COL11A1: variants seen among roughly 807,000 people sequenced by gnomAD.
The protein encoded by COL11A1 is collagen type XI alpha 1 chain, also known as collagen alpha-1(XI) chain.
COL11A1 carries 74 observed loss-of-function variants against 265.2 expected under a neutral mutation model. That is an observed-to-expected ratio of 0.28 (90% confidence interval 0.23 to 0.34). The LOEUF (loss-of-function observed/expected upper bound fraction) is 0.34, where lower values mean the gene tolerates loss of function less well. Ranked by LOEUF, COL11A1 falls within the 10% of genes least tolerant of loss-of-function variation. The pLI is 1.00. For missense variants in COL11A1, 2,165 were observed against 2,263.6 expected (o/e 0.96, Z 0.88); for synonymous variants, 816 against 727.6 (o/e 1.12, Z -1.96).
chr1:102,912,947 C>A (rs1473607672), intron 53 of COL11A1, among the ~76,000 whole-genome samples: 3 of 152,194 alleles, frequency 2.0e-5, no homozygotes, highest in African/African-American at 7.2e-5. Context: ...GTCAATTAAA[C>A]CTCTTTCCAT....
At chr1:103,020,093 G>C (rs1666903213) in intron 9 of COL11A1, among the ~76,000 whole-genome samples, 1 of 151,244 alleles carries the variant, frequency 6.6e-6, no homozygotes, top group Non-Finnish European at 1.5e-5. Flanking sequence ...TAGTCCTTTG[G>C]GTATATACTC....
intron 4 of COL11A1, among the ~76,000 whole-genome samples, chr1:103,034,161 A>G (rs1486884888): frequency 6.6e-6 from 1 of 152,028 alleles, no homozygotes; most frequent in Non-Finnish European, 1.5e-5. Flanking sequence ...TTGATGTTTG[A>G]TTATGATGTA....
At chr1:103,036,673 C>A (rs1434312736) in intron 4 of COL11A1, among the ~76,000 whole-genome samples, 3 of 151,904 alleles carry the variant, frequency 2.0e-5, no homozygotes, top group African/African-American at 7.3e-5. Flanking sequence ...TTTTAAGACA[C>A]TCTGTAAACA....
chr1:102,910,991 C>T (rs1331782787), intron 54 of COL11A1, among the ~76,000 whole-genome samples: 4 of 152,084 alleles, frequency 2.6e-5, no homozygotes, highest in African/African-American at 9.7e-5. Flanking sequence ...GACAGCTATG[C>T]ATCACAGTTT....
intron 1 of COL11A1, among the ~76,000 whole-genome samples, chr1:103,096,599 A>G (rs146989889): frequency 1.9e-4 from 29 of 152,092 alleles, no homozygotes; most frequent in African/African-American, 6.3e-4. Context: ...GGATAGAAAT[A>G]AAACTTTAGG....
At chr1:102,891,901 C>G (rs1318103224) in intron 57 of COL11A1, among the ~76,000 whole-genome samples, 2 of 151,864 alleles carry the variant, frequency 1.3e-5, no homozygotes, top group Admixed American at 6.6e-5. Context: ...GTAAACAAAA[C>G]AAAACACAAA....
chr1:102,975,412 A>G (rs1662374026), intron 35 of COL11A1, among the ~76,000 whole-genome samples: 1 of 152,134 alleles, frequency 6.6e-6, no homozygotes, highest in African/African-American at 2.4e-5. Context: ...TATCTAAAAT[A>G]TATTTATTTT....
chr1:102,898,027 A>C, intron 57 of COL11A1, 98 bp downstream of exon 57: 1 of 674,018 alleles, frequency 1.5e-6, no homozygotes, highest in Admixed American at 2.7e-5. Flanking sequence ...GAAAAAATAC[A>C]AACCTATTTA....
chr1:102,925,273 A>T (rs1656468032), intron 46 of COL11A1, among the ~76,000 whole-genome samples: 1 of 152,212 alleles, frequency 6.6e-6, no homozygotes, highest in East Asian at 1.9e-4. Context: ...TTTTGCATAG[A>T]TGATAGCCTT....
chr1:102,949,471 G>T (rs958307583), intron 41 of COL11A1, among the ~76,000 whole-genome samples: 9 of 150,144 alleles, frequency 6.0e-5, no homozygotes, highest in African/African-American at 1.8e-4. Context: ...ACCCTAGGAA[G>T]ATATCACACT....
rs928552118 is a variant in COL11A1 at position 102,997,086 on chromosome 1, C to T, written c.2235G>A (p.Gly745=). Residue 745 remains glycine (G), a synonymous_variant, in exon 26 of 67, where the codon GGG becomes GGA. Coordinates refer to ENST00000370096, the MANE Select transcript of COL11A1 (RefSeq NM_001854.4). ...PGKEGQSGEK[G]ALGPPGPQGP... Reference sequence around the variant, plus strand: ...TGGATACTTTGGAACCTACCAGAGCCCCCTTTTCTCCAGACTGGCCTTCTT... The same window carrying T: ...TGGATACTTTGGAACCTACCAGAGCTCCCTTTTCTCCAGACTGGCCTTCTT... 1.9e-6 allele frequency: 3 copies of T among 1,611,716 alleles called. No individual in the cohort carries two copies. Among genetic ancestry groups the T allele is most frequent in the Middle Eastern group, 1.6e-4 (1 of 6,068 alleles).
intron 4 of COL11A1, among the ~76,000 whole-genome samples, chr1:103,070,954 T>A (rs1301733640): frequency 6.6e-6 from 1 of 151,986 alleles, no homozygotes; most frequent in Admixed American, 6.6e-5. Context: ...ATTGGCCATC[T>A]CAAACGCCAT....
At chr1:102,951,921 CATGTT>C (rs1444632812) in intron 41 of COL11A1, among the ~76,000 whole-genome samples, 1 of 151,944 alleles carries the variant, frequency 6.6e-6, no homozygotes, top group Non-Finnish European at 1.5e-5. Context: ...TTATGATTGA[CATGTT>C]ATATGAAAGT....
Position 102,886,792 on chromosome 1 carries a change from G to A in COL11A1, c.4858+15C>T, listed in dbSNP as rs1054091121. On this transcript the variant is annotated intron_variant, in intron 63 of 66. Coordinates refer to ENST00000370096, the MANE Select transcript of COL11A1 (RefSeq NM_001854.4). ...GGGCTCGGTACATTTGCTTTGTCAT[G>A]TATTATTTACATACCATCTGGGAAG... 9.3e-6 allele frequency: 15 copies of A among 1,613,604 alleles called. No individual in the cohort carries two copies. Among genetic ancestry groups the A allele is most frequent in the Non-Finnish European group, 1.3e-5 (15 of 1,179,706 alleles).
At chr1:103,087,737 A>G (rs1672990873) in intron 1 of COL11A1, among the ~76,000 whole-genome samples, 1 of 152,198 alleles carries the variant, frequency 6.6e-6, no homozygotes, top group African/African-American at 2.4e-5. Context: ...TGCAGAAAAC[A>G]TTCTCTGTCT....
chr1:102,976,289 C>CTTTTTTTTTTTTTTTTTTTTTTT lies in COL11A1; in HGVS notation c.2755-1429_2755-1407dup, dbSNP rs149842131. Among the ~76,000 whole-genome samples, 76 of 58,602 alleles carry CTTTTTTTTTTTTTTTTTTTTTTT rather than the reference C, an allele frequency of 1.3e-3. 23 individuals carry two copies. Among genetic ancestry groups the CTTTTTTTTTTTTTTTTTTTTTTT allele is most frequent in the South Asian group, 2.0e-3 (2 of 986 alleles). The allele number at this position is 58,602 out of a possible 152,430, so 38.4% of individuals were successfully genotyped here. A position where few individuals can be genotyped will look rare whatever the true frequency, so the allele number is the denominator to read the frequency against. ...TATAAAATTTCACAGAAAACGTTGG[C>CTTTTTTTTTTTTTTTTTTTTTTT]TTTTTTTTTTTTTTTTTTTTTTTTT... On this transcript the variant is annotated intron_variant, in intron 35 of 66. Transcript: ENST00000370096.
At chr1:103,077,633 T>C (rs1337187) in intron 3 of COL11A1, among the ~76,000 whole-genome samples, 20,935 of 152,106 alleles carry the variant, frequency 0.14, 1,604 homozygotes, top group Non-Finnish European at 0.16. Flanking sequence ...CTTATAGCTA[T>C]AACCAAATGT....
intron 20 of COL11A1, 73 bp from the exon 21 acceptor site, chr1:103,003,341 G>A (rs1665309296): frequency 8.6e-6 from 12 of 1,400,716 alleles, no homozygotes; most frequent in Non-Finnish European, 1.1e-5. Context: ...TTTCAATGAA[G>A]AAATCCTAAG....
chr1:102,942,739 TTTA>T (rs1658862652), intron 42 of COL11A1, among the ~76,000 whole-genome samples: 1 of 152,204 alleles, frequency 6.6e-6, no homozygotes, highest in African/African-American at 2.4e-5. Flanking sequence ...TCATTCTCAG[TTTA>T]TTATTTCATC....
Sources: allele counts gnomAD v4.1 joint callset (sites outside exome capture counted in the v4.1 genomes callset), GRCh38; gene constraint gnomAD v4.1.1; transcripts MANE v1.5; gene names NCBI Gene and HGNC (gene_info 2026-07-23, HGNC 2026-07-21).